Variants in VAV3 observed in about 807,000 individuals in gnomAD.
VAV3 encodes the protein guanine nucleotide exchange factor VAV3.
Under a neutral mutation model 131.2 loss-of-function variants are expected in VAV3, and 94 were observed. The ratio of observed to expected loss-of-function variants is 0.72; its 90% CI spans 0.61 to 0.85. VAV3 has a LOEUF of 0.85. Ranked by LOEUF, VAV3 falls within the 40% of genes least tolerant of loss-of-function variation. The pLI, the probability that VAV3 is intolerant of heterozygous loss-of-function variation, is 0.00. For missense variants in VAV3, 939 were observed against 1,002.7 expected (o/e 0.94, Z 0.86); for synonymous variants, 349 against 342.0 (o/e 1.02, Z -0.22).
At chr1:107,887,167 C>T (rs1671074736) in intron 1 of VAV3, among the ~76,000 whole-genome samples, 1 of 152,216 alleles carries the variant, frequency 6.6e-6, no homozygotes, top group South Asian at 2.1e-4. Flanking sequence ...CTTTACCCAC[C>T]AATGCTCCGT....
At chr1:107,835,368 T>A (rs1391530019) in intron 2 of VAV3, among the ~76,000 whole-genome samples, 2 of 152,158 alleles carry the variant, frequency 1.3e-5, no homozygotes, top group African/African-American at 4.8e-5. Flanking sequence ...CCCCCCAGGT[T>A]AGAGCAGATG....
chr1:107,900,395 A>T (rs1671796021), intron 1 of VAV3, among the ~76,000 whole-genome samples: 1 of 152,218 alleles, frequency 6.6e-6, no homozygotes, highest in African/African-American at 2.4e-5. Flanking sequence ...TAACTAAATC[A>T]TCAACACAGT....
rs539884193 is a variant in VAV3 at position 107,574,299 on chromosome 1, G to A, written c.2351-101C>T. The A allele has an allele frequency of 5.6e-6, 8 of 1,422,774 alleles. No homozygotes were observed. The Admixed American group carries it at 9.8e-5, about 17-fold the overall frequency. 88.1% of individuals were successfully genotyped at this position (1,422,774 alleles called of 1,614,324 possible). A position where few individuals can be genotyped will look rare whatever the true frequency, so the allele number is the denominator to read the frequency against. On this transcript the variant is annotated intron_variant, in intron 25 of 26. Coordinates refer to ENST00000370056, the MANE Select transcript of VAV3 (RefSeq NM_006113.5). ...TATTGATGCTATCAAATGCACAGTCGTGATTTCATTACAGACCAGCGATAA... is the reference window on the plus strand; with the variant it reads ...TATTGATGCTATCAAATGCACAGTCATGATTTCATTACAGACCAGCGATAA...
chr1:107,576,224 G>C (rs1218215005), intron 25 of VAV3, among the ~76,000 whole-genome samples: 2 of 152,116 alleles, frequency 1.3e-5, no homozygotes, highest in African/African-American at 4.8e-5. Flanking sequence ...GAAATGTCAT[G>C]ATGAACGGTG....
At chr1:107,736,866 T>C (rs1230549885) in intron 15 of VAV3, among the ~76,000 whole-genome samples, 1 of 152,110 alleles carries the variant, frequency 6.6e-6, no homozygotes, top group Non-Finnish European at 1.5e-5. Flanking sequence ...TTAAAGTTCA[T>C]ATGGAAACAA....
intron 2 of VAV3, among the ~76,000 whole-genome samples, chr1:107,823,622 G>C (rs80350363): frequency 6.6e-6 from 1 of 152,160 alleles, no homozygotes; most frequent in Non-Finnish European, 1.5e-5. Flanking sequence ...GGAAAGTCAC[G>C]AGACTGTCTG....
Position 107,913,025 on chromosome 1 carries a change from TCTAAA to T in VAV3, c.205-38013_205-38009del, listed in dbSNP as rs932641790. Among the ~76,000 whole-genome samples the T allele has an allele frequency of 1.2e-4, 18 of 152,222 alleles. 1 individual carries two copies. The highest frequency in any genetic ancestry group is 2.2e-4 in the Non-Finnish European group (15 of 68,040). On this transcript the variant is annotated intron_variant, in intron 1 of 26. Coordinates refer to ENST00000370056, the MANE Select transcript of VAV3 (RefSeq NM_006113.5). ...ATGGCAATCTCATGTTTATACTACC[TCTAAA>T]CTAAGCTATTGTAATCTTTTTCATG... is the stretch of plus-strand genomic sequence containing the variant.
chr1:107,873,688 T>G (rs1184541842), intron 2 of VAV3, among the ~76,000 whole-genome samples: 3 of 152,152 alleles, frequency 2.0e-5, no homozygotes, highest in East Asian at 1.9e-4. Context: ...TTTTTGGACC[T>G]CAAGACAGTT....
chr1:107,693,713 C>A (rs1659577474), intron 17 of VAV3, among the ~76,000 whole-genome samples: 1 of 152,128 alleles, frequency 6.6e-6, no homozygotes, highest in Non-Finnish European at 1.5e-5. Flanking sequence ...GCAACAACAA[C>A]ATGATATTAA....
At chr1:107,932,949 G>A (rs1673516096) in intron 1 of VAV3, among the ~76,000 whole-genome samples, 1 of 152,174 alleles carries the variant, frequency 6.6e-6, no homozygotes. Flanking sequence ...CTCCAGAGCT[G>A]TTAAAATACT....
intron 22 of VAV3, among the ~76,000 whole-genome samples, chr1:107,608,699 C>T (rs1435246582): frequency 2.0e-5 from 3 of 152,168 alleles, no homozygotes; most frequent in African/African-American, 7.2e-5. Flanking sequence ...GAGTCCCATA[C>T]ATTGCACAGT....
At chr1:107,750,103 G>A (rs936677272) in intron 13 of VAV3, among the ~76,000 whole-genome samples, 1 of 152,108 alleles carries the variant, frequency 6.6e-6, no homozygotes, top group African/African-American at 2.4e-5. Context: ...TTATTGAGGA[G>A]GAAACTGAGG....
chr1:107,809,679 T>C (rs1445072080), intron 2 of VAV3, among the ~76,000 whole-genome samples: 2 of 152,174 alleles, frequency 1.3e-5, no homozygotes, highest in Non-Finnish European at 2.9e-5. Flanking sequence ...TAGCATAAAA[T>C]CACTATGCAA....
intron 19 of VAV3, chr1:107,669,389 A>C: frequency 7.8e-7 from 1 of 1,289,718 alleles, no homozygotes; most frequent in Non-Finnish European, 1.0e-6. Flanking sequence ...TGTCCTCAGA[A>C]TTTCTTGTTC....
chr1:107,785,233 C>T (rs903856983), intron 2 of VAV3, among the ~76,000 whole-genome samples: 1 of 152,128 alleles, frequency 6.6e-6, no homozygotes, highest in African/African-American at 2.4e-5. Context: ...GTTATGGCTA[C>T]CTTTAAGGTC....
rs535993365 is a variant in VAV3 at position 107,573,235 on chromosome 1, C to G, written c.*96G>C. The G allele has an allele frequency of 4.2e-6, 6 of 1,427,096 alleles. No individual in the cohort carries two copies. The highest frequency in any genetic ancestry group is 5.8e-6 in the Non-Finnish European group (6 of 1,038,378). 88.4% of individuals were successfully genotyped at this position (1,427,096 alleles called of 1,614,324 possible). On this transcript the variant is annotated 3_prime_UTR_variant, in exon 27 of 27. Transcript: ENST00000370056. The stretch of plus-strand genomic sequence containing the variant: ...GGATGTTGAACAGCCAGAAATGCAG[C>G]TTTTTAAACACTTCAGTTAATTCAC...
At chr1:107,713,310 A>G (rs565756921) in intron 15 of VAV3, among the ~76,000 whole-genome samples, 2 of 152,254 alleles carry the variant, frequency 1.3e-5, no homozygotes, top group South Asian at 4.1e-4. Context: ...GAAAGCAAAC[A>G]AAAGATGGCT....
chr1:107,892,733 T>G (rs951613846), intron 1 of VAV3, among the ~76,000 whole-genome samples: 2 of 152,216 alleles, frequency 1.3e-5, no homozygotes, highest in African/African-American at 4.8e-5. Flanking sequence ...TGTCAGTGAA[T>G]ATTTTCCCCT....
At chr1:107,946,571 GAA>G (rs988942341) in intron 1 of VAV3, among the ~76,000 whole-genome samples, 10 of 152,218 alleles carry the variant, frequency 6.6e-5, no homozygotes, top group Middle Eastern at 3.4e-3. Flanking sequence ...AAAGCTGAAG[GAA>G]AAAATCCAAA....
Sources: allele counts gnomAD v4.1 joint callset (sites outside exome capture counted in the v4.1 genomes callset), GRCh38; gene constraint gnomAD v4.1.1; transcripts MANE v1.5; gene names NCBI Gene and HGNC (gene_info 2026-07-23, HGNC 2026-07-21).